MYT1L: variants seen among roughly 807,000 people sequenced by gnomAD.
The protein encoded by MYT1L is myelin transcription factor 1 like, also known as myelin transcription factor 1-like protein.
MYT1L carries 12 observed loss-of-function variants against 126.7 expected under a neutral mutation model. That is an observed-to-expected ratio of 0.09 (90% confidence interval 0.06 to 0.15). The LOEUF (loss-of-function observed/expected upper bound fraction) is 0.15, where lower values mean the gene tolerates loss of function less well. MYT1L is among the 10% of genes least tolerant of loss of function. The pLI, the probability that MYT1L is intolerant of heterozygous loss-of-function variation, is 1.00. For missense variants in MYT1L, 979 were observed against 1,585.2 expected (o/e 0.62, Z 6.49); for synonymous variants, 541 against 604.2 (o/e 0.90, Z 1.53).
intron 8 of MYT1L, among the ~76,000 whole-genome samples, chr2:1,948,811 T>G (rs1460771638): frequency 6.6e-6 from 1 of 152,208 alleles, no homozygotes; most frequent in Non-Finnish European, 1.5e-5. Flanking sequence ...GCCCTTTGTA[T>G]TTGAACATCA....
chr2:2,178,815 G>C (rs1485336010), intron 2 of MYT1L, among the ~76,000 whole-genome samples: 1 of 152,218 alleles, frequency 6.6e-6, no homozygotes, highest in Non-Finnish European at 1.5e-5. Context: ...AGGGTCAAAA[G>C]AGAAGTGAGC....
At chr2:2,118,478 G>T (rs1404849749) in intron 3 of MYT1L, among the ~76,000 whole-genome samples, 1 of 152,150 alleles carries the variant, frequency 6.6e-6, no homozygotes, top group Non-Finnish European at 1.5e-5. Context: ...AGTGATTCCA[G>T]AAATTCCCAG....
At chr2:1,947,383 C>T (rs1431329207) in intron 8 of MYT1L, among the ~76,000 whole-genome samples, 1 of 152,214 alleles carries the variant, frequency 6.6e-6, no homozygotes, top group Non-Finnish European at 1.5e-5. Context: ...CACAACTGGG[C>T]TTCACTCATG....
intron 3 of MYT1L, among the ~76,000 whole-genome samples, chr2:2,093,209 T>C (rs1429093228): frequency 6.6e-6 from 1 of 151,892 alleles, no homozygotes; most frequent in Non-Finnish European, 1.5e-5. Context: ...GAAGATTTCT[T>C]TCCAGCAAGG....
At chr2:2,203,052 G>C (rs1286289962) in intron 2 of MYT1L, among the ~76,000 whole-genome samples, 1 of 149,726 alleles carries the variant, frequency 6.7e-6, no homozygotes, top group Non-Finnish European at 1.5e-5. Flanking sequence ...TGCAGAAAAG[G>C]CCTTTGACAA....
intron 18 of MYT1L, among the ~76,000 whole-genome samples, chr2:1,853,317 AT>A (rs1042167620): frequency 6.6e-6 from 1 of 152,204 alleles, no homozygotes; most frequent in Non-Finnish European, 1.5e-5. Context: ...GTGATGAGGT[AT>A]TTCAAACAGC....
intron 1 of MYT1L, among the ~76,000 whole-genome samples, chr2:2,296,598 A>G (rs930021231): frequency 1.3e-5 from 2 of 152,074 alleles, no homozygotes; most frequent in Non-Finnish European, 2.9e-5. Context: ...CATTAACTCC[A>G]GGAGAAGAGA....
intron 2 of MYT1L, among the ~76,000 whole-genome samples, chr2:2,215,465 A>C (rs1247454737): frequency 6.6e-6 from 1 of 152,262 alleles, no homozygotes; most frequent in Non-Finnish European, 1.5e-5. Flanking sequence ...CATTTAAAAC[A>C]ATAAATTAAT....
intron 4 of MYT1L, among the ~76,000 whole-genome samples, chr2:2,039,918 C>A (rs546125839): frequency 6.6e-6 from 1 of 152,078 alleles, no homozygotes; most frequent in South Asian, 2.1e-4. Context: ...CTGCAAGAAG[C>A]GAGGTGGCTA....
intron 2 of MYT1L, among the ~76,000 whole-genome samples, chr2:2,199,615 T>A (rs932943563): frequency 1.3e-5 from 2 of 152,190 alleles, no homozygotes; most frequent in Non-Finnish European, 2.9e-5. Context: ...AGTGTTAATG[T>A]GAGAAGCCAC....
intron 2 of MYT1L, among the ~76,000 whole-genome samples, chr2:2,282,648 A>T (rs538462748): frequency 6.6e-6 from 1 of 152,376 alleles, no homozygotes; most frequent in South Asian, 2.1e-4. Flanking sequence ...TGGTTATTAA[A>T]ACCATGTTTA....
intron 8 of MYT1L, among the ~76,000 whole-genome samples, chr2:1,948,088 G>T (rs2057402183): frequency 6.6e-6 from 1 of 152,174 alleles, no homozygotes; most frequent in African/African-American, 2.4e-5. Flanking sequence ...TTTCCTAAAT[G>T]ATTCCCTTCC....
intron 19 of MYT1L, among the ~76,000 whole-genome samples, chr2:1,843,326 T>C (rs190452942): frequency 1.0e-3 from 154 of 152,282 alleles, no homozygotes; most frequent in African/African-American, 3.6e-3. Context: ...CCCCAATTCC[T>C]AGCCCGACGC....
In MYT1L at chr2:2,280,047, A is replaced by G. The variant is rs1186478753; in HGVS notation, c.-421+4357T>C. Among the ~76,000 whole-genome samples, 3 of 152,374 alleles carry G rather than the reference A, an allele frequency of 2.0e-5. No homozygotes were observed. The East Asian group carries it at 5.8e-4, about 29-fold the overall frequency. On this transcript the variant is annotated intron_variant, in intron 2 of 24. Coordinates refer to ENST00000647738, the MANE Select transcript of MYT1L (RefSeq NM_001303052.2). Reference sequence around the variant, plus strand: ...TAGTAAAAACATGTATCAGAAAAGGAGGAAATAAAGAAATAAACTATAAGT... The same window carrying G: ...TAGTAAAAACATGTATCAGAAAAGGGGGAAATAAAGAAATAAACTATAAGT...
intron 11 of MYT1L, among the ~76,000 whole-genome samples, chr2:1,913,450 C>A (rs558184463): frequency 2.3e-4 from 35 of 152,254 alleles, no homozygotes; most frequent in Non-Finnish European, 3.8e-4. Context: ...TTCCCTGCCC[C>A]CTTCCTCCCT....
rs570207116 is a variant in MYT1L, at chr2:1,801,492, C to T, written c.3276+204G>A. The T allele has an allele frequency of 3.8e-4, 189 of 490,994 alleles. No homozygotes were observed. Among genetic ancestry groups the T allele is most frequent in the Non-Finnish European group, 5.8e-4 (161 of 279,892 alleles). The allele number at this position is 490,994 out of a possible 1,614,324, so 30.4% of individuals were successfully genotyped here. A position where few individuals can be genotyped will look rare whatever the true frequency, so the allele number is the denominator to read the frequency against. On this transcript the variant is annotated intron_variant, in intron 23 of 24. Transcript: ENST00000647738. This position sits in a 1 kb window ranked among gnomAD's most constrained non-coding sequence, Gnocchi z 4.2. The stretch of plus-strand genomic sequence containing the variant: ...CACAAACACACATGCAGACTGAAAA[C>T]GAGAGAACCACGGCCCCTGCTACAG...
At chr2:1,850,240 CTTCCTTCCTTCCCT>C (rs1252723520) in intron 19 of MYT1L, among the ~76,000 whole-genome samples, 4 of 69,542 alleles carry the variant, frequency 5.8e-5, no homozygotes, top group African/African-American at 2.0e-4. Flanking sequence ...TCCTTCCTTC[CTTCCTTCCTTCCCT>C]GTCTTTTCTC....
intron 18 of MYT1L, among the ~76,000 whole-genome samples, chr2:1,882,507 A>G (rs183226184): frequency 6.6e-6 from 1 of 152,280 alleles, no homozygotes; most frequent in African/African-American, 2.4e-5. Flanking sequence ...TTCTGTCCTA[A>G]AAGAGCTGAA....
In MYT1L at chr2:2,217,685, C is replaced by CAAAAAAAAAAAA. The variant is rs1167910803; in HGVS notation, c.-420-44698_-420-44697insTTTTTTTTTTTT. Among the ~76,000 whole-genome samples, 16 of 79,612 alleles carry CAAAAAAAAAAAA rather than the reference C, an allele frequency of 2.0e-4. 1 individual carries two copies. Among genetic ancestry groups the CAAAAAAAAAAAA allele is most frequent in the Non-Finnish European group, 2.4e-4 (10 of 41,108 alleles). The allele number at this position is 79,612 out of a possible 152,430, so 52.2% of individuals were successfully genotyped here. ...AACTCCATCTCAACAACAACAACAA[C>CAAAAAAAAAAAA]AACAACAACAACAACAACAACAAAA... On this transcript the variant is annotated intron_variant, in intron 2 of 24. Transcript: ENST00000647738.
Sources: allele counts gnomAD v4.1 joint callset (sites outside exome capture counted in the v4.1 genomes callset), GRCh38; gene constraint gnomAD v4.1.1; non-coding constraint Gnocchi (gnomAD v3.1); transcripts MANE v1.5; gene names NCBI Gene and HGNC (gene_info 2026-07-23, HGNC 2026-07-21).